LRRC4C: variants seen among roughly 807,000 people sequenced by gnomAD.
LRRC4C encodes leucine-rich repeat-containing protein 4C.
A neutral mutation model predicts 33.6 loss-of-function variants in LRRC4C; 5 were observed. The ratio of observed to expected loss-of-function variants is 0.15; its 90% confidence interval spans 0.08 to 0.31. The LOEUF is 0.31. Ranked by LOEUF, LRRC4C falls within the 10% of genes least tolerant of loss-of-function variation. LRRC4C has a pLI of 1.00. For synonymous variants in LRRC4C, 329 were observed against 302.0 expected (o/e 1.09, Z -0.93); for missense variants, 560 against 796.7 (o/e 0.70, Z 3.58).
chr11:41,085,794 A>C (rs893705649), intron 1 of LRRC4C, among the ~76,000 whole-genome samples: 1 of 152,128 alleles, frequency 6.6e-6, no homozygotes, highest in African/African-American at 2.4e-5. Context: ...AGTACCAGAC[A>C]TGAAATTGAG....
chr11:41,149,502 T>TC (rs1214365971), intron 1 of LRRC4C, among the ~76,000 whole-genome samples: 4 of 106,342 alleles, frequency 3.8e-5, no homozygotes, highest in African/African-American at 1.5e-4. Flanking sequence ...AGAGCGAGAC[T>TC]CCGTCTCCAA....
chr11:40,766,076 G>A (rs1369082332), intron 2 of LRRC4C, among the ~76,000 whole-genome samples: 3 of 98,320 alleles, frequency 3.1e-5, no homozygotes, highest in Non-Finnish European at 4.4e-5. Context: ...GATCCTAAAA[G>A]CAGCAAGAAA....
intron 1 of LRRC4C, among the ~76,000 whole-genome samples, chr11:41,164,227 T>G (rs1375291844): frequency 1.3e-5 from 2 of 148,718 alleles, no homozygotes; most frequent in Non-Finnish European, 1.5e-5. Context: ...TTTTCTTAAC[T>G]AAGACACTAC....
At chr11:41,426,595 C>T (rs1053492734) in intron 1 of LRRC4C, 1 of 152,180 alleles carries the variant, frequency 6.6e-6, no homozygotes, top group Non-Finnish European at 1.5e-5. Context: ...AGCAGACTCA[C>T]TGCCTATTTT....
intron 5 of LRRC4C, among the ~76,000 whole-genome samples, chr11:40,172,662 T>C (rs1312063801): frequency 6.6e-6 from 1 of 152,144 alleles, no homozygotes; most frequent in East Asian, 1.9e-4. Flanking sequence ...TGTCTCCTAG[T>C]TATTCAAGTC....
chr11:40,666,104 A>G (rs75343530), intron 2 of LRRC4C, among the ~76,000 whole-genome samples: 92 of 152,148 alleles, frequency 6.0e-4, no homozygotes, highest in African/African-American at 2.1e-3. Context: ...GAATAGATAA[A>G]TGTTCTACGG....
intron 3 of LRRC4C, among the ~76,000 whole-genome samples, chr11:40,587,735 A>G (rs1311743637): frequency 6.6e-6 from 1 of 152,004 alleles, no homozygotes; most frequent in African/African-American, 2.4e-5. Flanking sequence ...TGAGATAATC[A>G]TGTGGTTTTT....
At position 40,948,511 on chromosome 11, in the gene LRRC4C, TC is replaced by T. The variant is rs879573754; in HGVS notation, c.-495-14789del. Among the ~76,000 whole-genome samples, 540 of 100,946 alleles carry T rather than the reference TC, an allele frequency of 5.3e-3. 1 individual carries two copies. The highest frequency in any genetic ancestry group is 7.5e-3 in the Non-Finnish European group (388 of 51,730). The allele number at this position is 100,946 out of a possible 152,430, so 66.2% of individuals were successfully genotyped here. A position where few individuals can be genotyped will look rare whatever the true frequency, so the allele number is the denominator to read the frequency against. On this transcript the variant is annotated intron_variant, in intron 1 of 6. Coordinates refer to ENST00000528697, the MANE Select transcript of LRRC4C (RefSeq NM_001258419.2). The stretch of plus-strand genomic sequence containing the variant: ...TAGGTATATCTCCCAATGCTATCCC[TC>T]CCCCCTCCCCCCACCCCACAACAGT...
At chr11:41,310,221 C>A (rs1479057546) in intron 1 of LRRC4C, among the ~76,000 whole-genome samples, 2 of 152,218 alleles carry the variant, frequency 1.3e-5, no homozygotes, top group African/African-American at 4.8e-5. Flanking sequence ...CCAAAATACA[C>A]ATCTCATCTT....
chr11:40,434,363 A>G (rs974972060), intron 3 of LRRC4C, among the ~76,000 whole-genome samples: 2 of 152,198 alleles, frequency 1.3e-5, no homozygotes, highest in Admixed American at 6.5e-5. Flanking sequence ...GGCGAGCTGT[A>G]TTCTTCTGCT....
chr11:41,148,395 A>C (rs1943829790), intron 1 of LRRC4C, among the ~76,000 whole-genome samples: 1 of 152,140 alleles, frequency 6.6e-6, no homozygotes, highest in Non-Finnish European at 1.5e-5. Flanking sequence ...TATCTAAATA[A>C]GTAAATTAAA....
chr11:41,138,826 A>G (rs1943378060), intron 1 of LRRC4C, among the ~76,000 whole-genome samples: 1 of 152,202 alleles, frequency 6.6e-6, no homozygotes, highest in South Asian at 2.1e-4. Flanking sequence ...AAAGAATATT[A>G]TCATTATAAG....
intron 2 of LRRC4C, among the ~76,000 whole-genome samples, chr11:40,821,904 A>G (rs957156448): frequency 1.3e-5 from 2 of 151,890 alleles, no homozygotes; most frequent in South Asian, 2.1e-4. Context: ...ATAGTTAGAC[A>G]TATTTATGTA....
chr11:41,077,379 A>T (rs1248257807), intron 1 of LRRC4C, among the ~76,000 whole-genome samples: 2 of 152,132 alleles, frequency 1.3e-5, no homozygotes, highest in African/African-American at 4.8e-5. Context: ...AGGCATTTCC[A>T]TACATCCTCT....
chr11:40,628,370 C>G, intron 3 of LRRC4C, among the ~76,000 whole-genome samples: 1 of 152,062 alleles, frequency 6.6e-6, no homozygotes, highest in East Asian at 1.9e-4. Flanking sequence ...CCCAGCTACT[C>G]GGGAGGCTGA....
At chr11:41,231,149 C>G (rs538582335) in intron 1 of LRRC4C, among the ~76,000 whole-genome samples, 1 of 152,080 alleles carries the variant, frequency 6.6e-6, no homozygotes, top group African/African-American at 2.4e-5. Flanking sequence ...AATAGGAACA[C>G]TTTTACACTG....
intron 1 of LRRC4C, among the ~76,000 whole-genome samples, chr11:41,227,725 T>C (rs7950120): frequency 0.077 from 11,657 of 152,082 alleles, 957 homozygotes; most frequent in African/African-American, 0.2. Flanking sequence ...ATAATTGAAG[T>C]CCACTTTGCA....
chr11:40,885,759 T>G (rs118014393), intron 2 of LRRC4C, among the ~76,000 whole-genome samples: 1 of 152,248 alleles, frequency 6.6e-6, no homozygotes, highest in East Asian at 1.9e-4. Flanking sequence ...GTCAGAGTAC[T>G]TATCATTCAA....
In LRRC4C at chr11:40,578,135, TTTTCGG is replaced by T. The variant is rs1958284972; in HGVS notation, c.-270+70001_-270+70006del. Reference sequence around the variant, plus strand: ...AGGCGTGATATTATTGGACTTTTTTTTTTCGGTTTTTTTTTTTTTTTTTTTTTTTTT... The same window carrying T: ...AGGCGTGATATTATTGGACTTTTTTTTTTTTTTTTTTTTTTTTTTTTTTTT... On this transcript the variant is annotated intron_variant, in intron 3 of 6. Transcript: ENST00000528697. 1.5e-5 allele frequency among the ~76,000 whole-genome samples: 2 copies of T among 131,664 alleles called. 1 individual carries two copies. The allele number at this position is 131,664 out of a possible 152,430, so 86.4% of individuals were successfully genotyped here. A position where few individuals can be genotyped will look rare whatever the true frequency, so the allele number is the denominator to read the frequency against.
Sources: allele counts gnomAD v4.1 joint callset (sites outside exome capture counted in the v4.1 genomes callset), GRCh38; gene constraint gnomAD v4.1.1; transcripts MANE v1.5; gene names NCBI Gene and HGNC (gene_info 2026-07-23, HGNC 2026-07-21).